DNAH5: variants seen among roughly 807,000 people sequenced by gnomAD.
DNAH5 encodes the protein dynein axonemal heavy chain 5.
In DNAH5, 372 loss-of-function variants were observed where a neutral mutation model predicts 518.2. That is an observed-to-expected ratio of 0.72 (90% CI 0.66 to 0.78). The LOEUF is 0.78. Ranked by LOEUF, DNAH5 falls within the 30% of genes least tolerant of loss-of-function variation. The probability of loss-of-function intolerance (pLI) is 0.00; values close to 1 mark genes in which losing one functional copy is unlikely to be tolerated. For missense variants in DNAH5, 5,523 were observed against 5,687.0 expected, an observed-to-expected ratio of 0.97 and a Z score of 0.93; for synonymous variants, 2,039 against 2,025.9, an observed-to-expected ratio of 1.01 and a Z score of -0.17.
intron 1 of DNAH5, among the ~76,000 whole-genome samples, chr5:13,951,378 A>G (rs1279574674): frequency 7.6e-6 from 1 of 131,640 alleles, no homozygotes; most frequent in Non-Finnish European, 1.7e-5. Flanking sequence ...CACCAGATTC[A>G]GCTAATTTCT....
chr5:13,706,516 G>A (rs13169297), intron 76 of DNAH5, among the ~76,000 whole-genome samples: 58,880 of 151,992 alleles, frequency 0.39, 11,524 homozygotes, highest in Middle Eastern at 0.44. Context: ...CTTTTCCTAC[G>A]TATTTTTTCA....
chr5:13,884,147 C>T lies in DNAH5; in HGVS notation c.2983+842G>A, dbSNP rs556389882. 2.6e-5 allele frequency among the ~76,000 whole-genome samples: 4 copies of T among 152,006 alleles called. No homozygotes were observed. The East Asian group carries it at 7.8e-4, about 29-fold the overall frequency. ...GATGATGCTATTGAAAATGAGGAAA[C>T]CACCTGGAAAGTACTAAATTAGCAT... On this transcript the variant is annotated intron_variant, in intron 19 of 78. Coordinates refer to ENST00000265104, the MANE Select transcript of DNAH5 (RefSeq NM_001369.3).
intron 76 of DNAH5, among the ~76,000 whole-genome samples, chr5:13,702,924 C>T (rs796428322): frequency 2.0e-5 from 3 of 152,116 alleles, no homozygotes; most frequent in African/African-American, 7.2e-5. Context: ...ACCCTCTATC[C>T]TCCCACCCAC....
chr5:13,743,205 T>A (rs189000930), intron 65 of DNAH5, among the ~76,000 whole-genome samples: 15 of 152,028 alleles, frequency 9.9e-5, no homozygotes, highest in African/African-American at 3.6e-4. Context: ...GGTAGGTAGA[T>A]AGAGAGATAG....
chr5:13,969,126 G>T, intron 1 of DNAH5, among the ~76,000 whole-genome samples: 1 of 152,028 alleles, frequency 6.6e-6, no homozygotes, highest in Non-Finnish European at 1.5e-5. Flanking sequence ...TAGTAGCCTT[G>T]AATGATCTTT....
In DNAH5 at chr5:13,886,090, T is replaced by C; in HGVS notation, c.2617A>G (p.Ser873Gly). Residue 873 changes from serine (S) to glycine (G), a missense_variant, in exon 18 of 79, where the codon AGC becomes GGC. By Grantham distance (56) the Ser-to-Gly change is moderately conservative (BLOSUM62 0). Coordinates refer to ENST00000265104, the MANE Select transcript of DNAH5 (RefSeq NM_001369.3). Reference protein sequence around the residue: ...VNGAQILHFKSSLVEEAVNEL... With the variant: ...VNGAQILHFKGSLVEEAVNEL... ...TTGACTGCCTCCTCCACTAATGAGCTTTTAAAATGTAGTATTTGTGCACCA... is the reference window on the plus strand; with the variant it reads ...TTGACTGCCTCCTCCACTAATGAGCCTTTAAAATGTAGTATTTGTGCACCA... 6.2e-7 allele frequency: 1 copy of C among 1,607,424 alleles called. No homozygotes were observed. Among genetic ancestry groups the C allele is most frequent in the Non-Finnish European group, 8.5e-7 (1 of 1,178,860 alleles).
chr5:13,771,367 T>C lies in DNAH5; in HGVS notation c.9374-387A>G, dbSNP rs191981412. On this transcript the variant is annotated intron_variant, in intron 55 of 78. Coordinates refer to ENST00000265104, the MANE Select transcript of DNAH5 (RefSeq NM_001369.3). ...TCATATTTAACAATGCCATTTATTT[T>C]GTCACTCAGAACCTATCACACCCTT... is the stretch of plus-strand genomic sequence containing the variant. The C allele has an allele frequency of 1.2e-3, 329 of 269,204 alleles. 1 individual carries two copies. Among genetic ancestry groups the C allele is most frequent in the Non-Finnish European group, 1.3e-3 (175 of 139,070 alleles). 16.7% of individuals were successfully genotyped at this position (269,204 alleles called of 1,614,324 possible).
intron 55 of DNAH5, among the ~76,000 whole-genome samples, chr5:13,771,951 G>T (rs79751639): frequency 0.023 from 3,467 of 152,252 alleles, 120 homozygotes; most frequent in African/African-American, 0.078. Flanking sequence ...GGCTGTTATT[G>T]TGGGGCTGTA....
rs368971940 is a variant in DNAH5, at chr5:13,821,130, A to G, written c.6688-631T>C. On this transcript the variant is annotated intron_variant, in intron 40 of 78. Transcript: ENST00000265104. ...ATAGACAAAAATCTGGCTGAATGTA[A>G]TGAAGATGTTATCCTAAACTAATAA... Among the ~76,000 whole-genome samples, 185 of 152,366 alleles carry G rather than the reference A, an allele frequency of 1.2e-3. 2 individuals are homozygous for G. The highest frequency in any genetic ancestry group is 4.2e-3 in the African/African-American group (174 of 41,598).
chr5:13,696,717 G>C (rs1741445938), intron 78 of DNAH5, among the ~76,000 whole-genome samples: 1 of 152,124 alleles, frequency 6.6e-6, no homozygotes, highest in African/African-American at 2.4e-5. Flanking sequence ...CATGAAAGGG[G>C]TAACAGAATG....
intron 54 of DNAH5, among the ~76,000 whole-genome samples, 198 bp from the exon 55 acceptor site, chr5:13,776,904 C>T (rs2126812168): frequency 6.6e-6 from 1 of 152,144 alleles, no homozygotes; most frequent in African/African-American, 2.4e-5. Context: ...AGTTGTAGCC[C>T]CGGAAAGGAG....
intron 75 of DNAH5, among the ~76,000 whole-genome samples, chr5:13,709,775 C>T (rs1268986020): frequency 6.6e-6 from 1 of 152,164 alleles, no homozygotes; most frequent in Non-Finnish European, 1.5e-5. Context: ...GAACACACAC[C>T]CCCACTGAAG....
intron 22 of DNAH5, among the ~76,000 whole-genome samples, chr5:13,873,220 A>G (rs1242697185): frequency 1.3e-5 from 2 of 152,172 alleles, no homozygotes; most frequent in Admixed American, 6.6e-5. Context: ...CTTTGCTTCT[A>G]TGCCTCCACA....
chr5:13,770,542 G>C (rs1753191755), intron 56 of DNAH5, among the ~76,000 whole-genome samples: 1 of 152,122 alleles, frequency 6.6e-6, no homozygotes, highest in Non-Finnish European at 1.5e-5. Context: ...ATAATTCTTT[G>C]TTGTGGAGGA....
intron 72 of DNAH5, among the ~76,000 whole-genome samples, 169 bp downstream of exon 72, chr5:13,718,713 T>C (rs1385387826): frequency 6.6e-6 from 1 of 152,238 alleles, no homozygotes; most frequent in Non-Finnish European, 1.5e-5. Flanking sequence ...GCTCTGATTC[T>C]TTCACACTGC....
At chr5:13,767,882 T>C (rs1752725517) in intron 58 of DNAH5, among the ~76,000 whole-genome samples, 1 of 152,236 alleles carries the variant, frequency 6.6e-6, no homozygotes, top group Non-Finnish European at 1.5e-5. Flanking sequence ...GTCACATTAA[T>C]ATCAAGATAG....
chr5:13,817,493 C>T (rs1156761051), intron 42 of DNAH5, 55 bp downstream of exon 42: 1 of 1,577,922 alleles, frequency 6.3e-7, no homozygotes, highest in African/African-American at 1.3e-5. Context: ...GTATAGCCTC[C>T]AAGGATTCTA....
intron 58 of DNAH5, among the ~76,000 whole-genome samples, chr5:13,768,167 T>G (rs1752763660): frequency 6.6e-6 from 1 of 152,208 alleles, no homozygotes; most frequent in African/African-American, 2.4e-5. Context: ...CATCGCAAAC[T>G]GTAATCTCCA....
intron 72 of DNAH5, among the ~76,000 whole-genome samples, chr5:13,718,072 A>C (rs928550039): frequency 4.9e-4 from 75 of 152,190 alleles, no homozygotes; most frequent in African/African-American, 1.8e-3. Flanking sequence ...TTATCCCCAC[A>C]TTATCTTATA....
Sources: allele counts gnomAD v4.1 joint callset (sites outside exome capture counted in the v4.1 genomes callset), GRCh38; gene constraint gnomAD v4.1.1; transcripts MANE v1.5; gene names NCBI Gene and HGNC (gene_info 2026-07-23, HGNC 2026-07-21).